SEMA5B: variants seen among roughly 807,000 people sequenced by gnomAD.
SEMA5B encodes the protein semaphorin-5B.
A neutral mutation model predicts 135.0 loss-of-function variants in SEMA5B; 66 were observed. The ratio of observed to expected loss-of-function variants is 0.49; its 90% CI spans 0.40 to 0.60. The LOEUF (loss-of-function observed/expected upper bound fraction) is 0.60. SEMA5B is among the 20% of genes least tolerant of loss of function. The probability of loss-of-function intolerance (pLI) is 0.00; values close to 1 mark genes in which losing one functional copy is unlikely to be tolerated. For missense variants in SEMA5B, 1,501 were observed against 1,566.3 expected (o/e 0.96, Z 0.70); for synonymous variants, 690 against 639.5 (o/e 1.08, Z -1.19).
intron 1 of SEMA5B, among the ~76,000 whole-genome samples, chr3:122,987,068 T>G (rs1485695817): frequency 2.0e-5 from 3 of 152,034 alleles, no homozygotes; most frequent in African/African-American, 7.3e-5. Flanking sequence ...CAGCTGGGGC[T>G]GGGCCCTCAC....
At chr3:122,921,069 C>A (rs1938325783) in intron 12 of SEMA5B, among the ~76,000 whole-genome samples, 1 of 152,182 alleles carries the variant, frequency 6.6e-6, no homozygotes, top group South Asian at 2.1e-4. Flanking sequence ...TCCGAGCACA[C>A]CCCACTGGAG....
At chr3:123,027,382 C>G (rs939993625) in intron 1 of SEMA5B, 82 bp downstream of exon 1, 6 of 152,394 alleles carry the variant, frequency 3.9e-5, no homozygotes, top group Non-Finnish European at 7.3e-5. Flanking sequence ...CTCTCTACCC[C>G]GATACCCACC....
At chr3:122,923,848 GCTCTGT>G in intron 9 of SEMA5B, 96 bp from the exon 10 acceptor site, 5 of 1,386,642 alleles carry the variant, frequency 3.6e-6, no homozygotes, top group Non-Finnish European at 5.1e-6. Flanking sequence ...AATTCCCAAG[GCTCTGT>G]AAGCATCTAT....
chr3:122,951,783 C>G (rs986389033), intron 2 of SEMA5B, among the ~76,000 whole-genome samples: 1 of 152,220 alleles, frequency 6.6e-6, no homozygotes, highest in African/African-American at 2.4e-5. Context: ...AGGGTAGAAG[C>G]TGGAGGACTA....
intron 2 of SEMA5B, 85 bp downstream of exon 2, chr3:122,961,055 T>C (rs978822844): frequency 7.2e-7 from 1 of 1,397,096 alleles, no homozygotes. Context: ...ATGCTGATGA[T>C]GCCCCAGATG....
At chr3:122,924,333 G>A (rs999832173) in intron 9 of SEMA5B, among the ~76,000 whole-genome samples, 7 of 151,966 alleles carry the variant, frequency 4.6e-5, no homozygotes, top group African/African-American at 7.3e-5. Context: ...CATACCAAAC[G>A]CCTCCAGTTA....
intron 1 of SEMA5B, among the ~76,000 whole-genome samples, chr3:122,970,753 A>G (rs1941077931): frequency 6.6e-6 from 1 of 152,242 alleles, no homozygotes; most frequent in South Asian, 2.1e-4. Context: ...AGAGATGTTC[A>G]TGACTTGCCC....
intron 1 of SEMA5B, among the ~76,000 whole-genome samples, chr3:123,025,285 A>T (rs1942772682): frequency 6.6e-6 from 1 of 152,002 alleles, no homozygotes; most frequent in African/African-American, 2.4e-5. Flanking sequence ...AGTTTTTTTT[A>T]ACCCTTCCTC....
intron 1 of SEMA5B, among the ~76,000 whole-genome samples, chr3:123,018,905 C>T (rs916845764): frequency 3.9e-5 from 6 of 152,182 alleles, no homozygotes; most frequent in African/African-American, 9.7e-5. Context: ...GCAAGGCATG[C>T]TGGAATCTTG....
chr3:122,944,112 G>A (rs534553878), intron 3 of SEMA5B, among the ~76,000 whole-genome samples: 2 of 152,280 alleles, frequency 1.3e-5, no homozygotes, highest in South Asian at 4.1e-4. Context: ...CAACTCCTGC[G>A]AAGGCCCTTG....
intron 1 of SEMA5B, among the ~76,000 whole-genome samples, chr3:123,006,092 C>A (rs991477483): frequency 3.9e-5 from 6 of 152,184 alleles, no homozygotes; most frequent in Non-Finnish European, 8.8e-5. Context: ...CTCTGTCAAC[C>A]TAAAAGCACT....
At chr3:122,990,540 T>C (rs1941843741) in intron 1 of SEMA5B, among the ~76,000 whole-genome samples, 2 of 147,024 alleles carry the variant, frequency 1.4e-5, no homozygotes, top group Non-Finnish European at 3.0e-5. Flanking sequence ...AGCTGTCTTC[T>C]CTACCTGCCC....
intron 1 of SEMA5B, among the ~76,000 whole-genome samples, chr3:122,974,082 G>C (rs929286412): frequency 6.6e-6 from 1 of 152,110 alleles, no homozygotes; most frequent in African/African-American, 2.4e-5. Context: ...TGAGGGGAGA[G>C]AGAGCCCAGG....
chr3:122,947,906 T>G (rs112709982), intron 3 of SEMA5B, among the ~76,000 whole-genome samples: 2,423 of 152,204 alleles, frequency 0.016, 28 homozygotes, highest in African/African-American at 0.032. Context: ...GTTTTGTTTT[T>G]TTTTAGCAAG....
At position 122,913,329 on chromosome 3, in the gene SEMA5B, T is replaced by C. The variant is rs1200005372; in HGVS notation, c.2376A>G (p.Ala792=). The C allele has an allele frequency of 2.4e-5, 37 of 1,573,080 alleles. No individual in the cohort carries two copies. The highest frequency in any genetic ancestry group is 3.2e-5 in the Non-Finnish European group (37 of 1,167,870). The change falls in exon 17 of 23, where the codon GCA becomes GCG. Residue 792 remains alanine (A), a synonymous_variant. Coordinates refer to ENST00000357599, the MANE Select transcript of SEMA5B (RefSeq NM_001031702.4). ...WLPVNVTQGG[A]RQEQRFRFTC... ...TGAAGCGGAACCGCTGCTCCTGCCGTGCCCCGCCCTGCGTCACGTTCACGG... is the reference window on the plus strand; with the variant it reads ...TGAAGCGGAACCGCTGCTCCTGCCGCGCCCCGCCCTGCGTCACGTTCACGG...
At position 122,929,076 on chromosome 3, in the gene SEMA5B, G is replaced by C; in HGVS notation, c.475-18C>G. On this transcript the variant is annotated intron_variant, in intron 5 of 22. Transcript: ENST00000357599. ...TCTGTGGCCTGGGGGAGGAACATAGGAGCACACAGACATCACATGGCTGTG... is the reference window on the plus strand; with the variant it reads ...TCTGTGGCCTGGGGGAGGAACATAGCAGCACACAGACATCACATGGCTGTG... 1.2e-6 allele frequency: 2 copies of C among 1,609,278 alleles called. No homozygotes were observed. Among genetic ancestry groups the C allele is most frequent in the Non-Finnish European group, 1.7e-6 (2 of 1,179,130 alleles).
intron 1 of SEMA5B, among the ~76,000 whole-genome samples, chr3:122,995,900 C>G (rs1486584950): frequency 2.0e-5 from 3 of 152,226 alleles, no homozygotes; most frequent in Non-Finnish European, 4.4e-5. Context: ...CCTAAAATAT[C>G]TGTATATATC....
Position 122,924,004 on chromosome 3 carries a change from C to T in SEMA5B, c.1137-252G>A, listed in dbSNP as rs931266094. ...TGCCTCCCTCCCTCCCTCCCTTATT[C>T]GGGGGCGCTGAAATACAGTGGCTTT... On this transcript the variant is annotated intron_variant, in intron 9 of 22. Coordinates refer to ENST00000357599, the MANE Select transcript of SEMA5B (RefSeq NM_001031702.4). Among the ~76,000 whole-genome samples the T allele has an allele frequency of 1.2e-4, 19 of 152,002 alleles. 1 individual carries two copies. Among genetic ancestry groups the T allele is most frequent in the Admixed American group, 1.1e-3 (17 of 15,286 alleles).
chr3:122,927,813 T>C lies in SEMA5B; in HGVS notation c.827A>G (p.Gln276Arg). The C allele has an allele frequency of 8.1e-6, 12 of 1,489,870 alleles. No individual in the cohort carries two copies. Among genetic ancestry groups the C allele is most frequent in the Non-Finnish European group, 1.1e-5 (12 of 1,114,646 alleles). The allele number at this position is 1,489,870 out of a possible 1,614,324, so 92.3% of individuals were successfully genotyped here. A position where few individuals can be genotyped will look rare whatever the true frequency, so the allele number is the denominator to read the frequency against. Reference protein sequence around the residue: ...LGSGPPLRTAQYNSKWLNEPN... With the variant: ...LGSGPPLRTARYNSKWLNEPN... ...ACCATTAAGCCACTTGGAGTTATATTGGGCAGTGCGAAGCGGTGGCCCACT... is the reference window on the plus strand; with the variant it reads ...ACCATTAAGCCACTTGGAGTTATATCGGGCAGTGCGAAGCGGTGGCCCACT... The change falls in exon 8 of 23, where the codon CAA (glutamine) becomes CGA (arginine). Residue 276 changes from glutamine to arginine, a missense_variant. Transcript: ENST00000357599.
Sources: allele counts gnomAD v4.1 joint callset (sites outside exome capture counted in the v4.1 genomes callset), GRCh38; gene constraint gnomAD v4.1.1; transcripts MANE v1.5; gene names NCBI Gene and HGNC (gene_info 2026-07-23, HGNC 2026-07-21).